The following CDK14 variants were observed in gnomAD, a reference collection of about 807,000 sequenced individuals.
CDK14 encodes the protein cyclin-dependent kinase 14.
A neutral mutation model predicts 60.7 loss-of-function variants in CDK14; 34 were observed. That is an observed-to-expected ratio of 0.56 (90% CI 0.43 to 0.75). CDK14 has a LOEUF of 0.75. Among genes scored for constraint, CDK14 ranks in the 30% least tolerant of loss-of-function variants. CDK14 has a pLI of 0.00. For missense variants in CDK14, 482 were observed against 564.1 expected (o/e 0.85, Z 1.47); for synonymous variants, 197 against 203.7 (o/e 0.97, Z 0.28).
intron 12 of CDK14, among the ~76,000 whole-genome samples, chr7:91,099,516 A>G (rs1473396489): frequency 6.6e-6 from 1 of 152,192 alleles, no homozygotes; most frequent in Non-Finnish European, 1.5e-5. Flanking sequence ...GGAGTATAAC[A>G]TTCACTAACA....
At chr7:90,868,787 G>A (rs1311696222) in intron 6 of CDK14, among the ~76,000 whole-genome samples, 2 of 152,110 alleles carry the variant, frequency 1.3e-5, no homozygotes, top group Admixed American at 6.5e-5. Flanking sequence ...TTTTATCGAT[G>A]AGGAAAAATA....
chr7:91,031,572 T>G (rs555145052), intron 10 of CDK14, among the ~76,000 whole-genome samples: 29 of 152,254 alleles, frequency 1.9e-4, no homozygotes, highest in African/African-American at 7.0e-4. Context: ...TTACTTCACT[T>G]GGGGGAGGTC....
intron 4 of CDK14, among the ~76,000 whole-genome samples, chr7:90,782,297 C>T (rs1203217645): frequency 1.3e-5 from 2 of 152,086 alleles, no homozygotes; most frequent in African/African-American, 4.8e-5. Context: ...AGTTGCTTAT[C>T]AGCTTAAGGA....
intron 2 of CDK14, among the ~76,000 whole-genome samples, chr7:90,618,471 C>T (rs534757786): frequency 4.6e-5 from 7 of 151,984 alleles, no homozygotes; most frequent in African/African-American, 7.3e-5. Flanking sequence ...GTTTAGTTGC[C>T]AGCCACTGGG....
chr7:91,027,570 GCC>G (rs1796608218), intron 10 of CDK14, among the ~76,000 whole-genome samples: 1 of 152,090 alleles, frequency 6.6e-6, no homozygotes, highest in South Asian at 2.1e-4. Flanking sequence ...GGAATAAGTA[GCC>G]CATTTGTAGG....
intron 5 of CDK14, among the ~76,000 whole-genome samples, chr7:90,797,117 A>C (rs34494101): frequency 6.6e-6 from 1 of 151,708 alleles, no homozygotes; most frequent in South Asian, 2.1e-4. Context: ...AGCCACCTCA[A>C]TTAGTTTGCT....
At chr7:91,119,275 G>A (rs986223328) in intron 14 of CDK14, among the ~76,000 whole-genome samples, 6 of 152,244 alleles carry the variant, frequency 3.9e-5, no homozygotes, top group African/African-American at 1.4e-4. Flanking sequence ...GAGCTCAGGA[G>A]TTCGAGAACA....
At chr7:91,138,735 G>A (rs1330629828) in intron 14 of CDK14, among the ~76,000 whole-genome samples, 1 of 151,964 alleles carries the variant, frequency 6.6e-6, no homozygotes, top group African/African-American at 2.4e-5. Context: ...TGACTATCCT[G>A]TGATTTCTAT....
chr7:90,809,424 G>A lies in CDK14; in HGVS notation c.544+18772G>A, dbSNP rs200586256. Among the ~76,000 whole-genome samples, 148 of 152,114 alleles carry A rather than the reference G, an allele frequency of 9.7e-4. 1 individual carries two copies. Among genetic ancestry groups the A allele is most frequent in the African/African-American group, 3.3e-3 (139 of 41,502 alleles). On this transcript the variant is annotated intron_variant, in intron 5 of 14. Coordinates refer to ENST00000380050, the MANE Select transcript of CDK14 (RefSeq NM_001287135.2). ...AATAAAGATGTTCTTTGAAACCAAC[G>A]AGAACAAAGACACTACATACCAAAA...
chr7:91,204,252 T>C (rs2116013668), intron 14 of CDK14, among the ~76,000 whole-genome samples: 1 of 152,230 alleles, frequency 6.6e-6, no homozygotes, highest in Admixed American at 6.5e-5. Flanking sequence ...TACCCCTACC[T>C]CATACCATAT....
chr7:90,908,755 T>A (rs1792796892), intron 7 of CDK14, among the ~76,000 whole-genome samples: 1 of 152,214 alleles, frequency 6.6e-6, no homozygotes, highest in African/African-American at 2.4e-5. Flanking sequence ...AAATTTCTGT[T>A]ACTTCAGACC....
chr7:91,053,919 T>A (rs1797471889), intron 11 of CDK14, among the ~76,000 whole-genome samples: 1 of 152,094 alleles, frequency 6.6e-6, no homozygotes, highest in Non-Finnish European at 1.5e-5. Context: ...TCATGTCTGC[T>A]CCATCCAGCC....
At chr7:90,967,736 T>C (rs1473069536) in intron 9 of CDK14, among the ~76,000 whole-genome samples, 4 of 152,196 alleles carry the variant, frequency 2.6e-5, no homozygotes, top group African/African-American at 9.6e-5. Context: ...GTGGGCTGTA[T>C]GAATCCAAAA....
At chr7:91,106,515 A>G (rs1374161025) in intron 12 of CDK14, among the ~76,000 whole-genome samples, 1 of 152,208 alleles carries the variant, frequency 6.6e-6, no homozygotes, top group Non-Finnish European at 1.5e-5. Context: ...AAATAAAATA[A>G]TAACAGTAAC....
intron 14 of CDK14, among the ~76,000 whole-genome samples, chr7:91,204,632 A>G (rs184252240): frequency 8.7e-4 from 133 of 152,368 alleles, no homozygotes; most frequent in African/African-American, 3.1e-3. Context: ...GAAGATATTC[A>G]TATGGCCAAC....
At chr7:90,773,538 A>C (rs2116900034) in intron 4 of CDK14, among the ~76,000 whole-genome samples, 1 of 152,208 alleles carries the variant, frequency 6.6e-6, no homozygotes, top group African/African-American at 2.4e-5. Flanking sequence ...ACAGGGTTTC[A>C]CTCTGTCACC....
rs564729987 is a variant in CDK14, at chr7:91,076,242, C to CAAAAAAAAAAAA, written c.1106-3167_1106-3156dup. 9.4e-4 allele frequency among the ~76,000 whole-genome samples: 27 copies of CAAAAAAAAAAAA among 28,798 alleles called. 4 individuals are homozygous for CAAAAAAAAAAAA. Among genetic ancestry groups the CAAAAAAAAAAAA allele is most frequent in the Non-Finnish European group, 1.6e-3 (23 of 14,462 alleles). 18.9% of individuals were successfully genotyped at this position (28,798 alleles called of 152,430 possible). The stretch of plus-strand genomic sequence containing the variant: ...AACTATACTACAGTGCTACAGTAAC[C>CAAAAAAAAAAAA]AAAAAAAAAAAAAAAAAAAAAAAAA... On this transcript the variant is annotated intron_variant, in intron 11 of 14. Transcript: ENST00000380050.
chr7:91,111,381 A>G (rs538448101), intron 12 of CDK14, among the ~76,000 whole-genome samples: 1 of 152,314 alleles, frequency 6.6e-6, no homozygotes, highest in East Asian at 1.9e-4. Context: ...GGATTTTTAA[A>G]GAAATACCTA....
intron 5 of CDK14, among the ~76,000 whole-genome samples, chr7:90,829,343 C>T (rs1789833536): frequency 6.6e-6 from 1 of 152,130 alleles, no homozygotes; most frequent in Admixed American, 6.5e-5. Context: ...AAGTCCAAGT[C>T]CAAAGTCCCA....
Sources: gnomAD v4.1 joint callset for allele counts (sites outside exome capture counted in the v4.1 genomes callset) on GRCh38, gnomAD v4.1.1 for gene constraint, MANE v1.5 for transcripts, NCBI Gene and HGNC (gene_info 2026-07-23, HGNC 2026-07-21) for gene names.